Variants in PPP3R1 observed in about 807,000 individuals in gnomAD.
PPP3R1 encodes protein phosphatase 3 regulatory subunit B, alpha.
In PPP3R1, 5 loss-of-function variants were observed where a neutral mutation model predicts 22.6. The ratio of observed to expected loss-of-function variants is 0.22; its 90% CI spans 0.12 to 0.46. PPP3R1 has a LOEUF of 0.46. PPP3R1 is among the 20% of genes least tolerant of loss of function. The pLI is 0.99. For missense variants in PPP3R1, 61 were observed against 203.2 expected, an observed-to-expected ratio of 0.30 and a Z score of 4.25; for synonymous variants, 56 against 65.2, an observed-to-expected ratio of 0.86 and a Z score of 0.68.
chr2:68,251,635 C>T (rs1323283325), intron 1 of PPP3R1, among the ~76,000 whole-genome samples: 1 of 137,112 alleles, frequency 7.3e-6, no homozygotes, highest in Non-Finnish European at 1.6e-5. Flanking sequence ...GTGGAAGCAG[C>T]AGCAGCTCTG....
chr2:68,220,319 A>G (rs926724061), intron 1 of PPP3R1, among the ~76,000 whole-genome samples: 21 of 152,232 alleles, frequency 1.4e-4, no homozygotes, highest in African/African-American at 5.1e-4. Flanking sequence ...GGAGATCTGC[A>G]TAAAAGTCTC....
At chr2:68,250,702 A>G (rs1390366792) in intron 1 of PPP3R1, among the ~76,000 whole-genome samples, 1 of 152,230 alleles carries the variant, frequency 6.6e-6, no homozygotes, top group Admixed American at 6.5e-5. Context: ...TGGCAAGGAA[A>G]AACTTTCTCT....
intron 2 of PPP3R1, 68 bp from the exon 3 acceptor site, chr2:68,188,758 T>G: frequency 7.2e-7 from 1 of 1,392,368 alleles, no homozygotes; most frequent in Non-Finnish European, 9.5e-7. Flanking sequence ...TAATGGGCAG[T>G]AGCAAGATTT....
At chr2:68,224,900 A>G (rs1444005490) in intron 1 of PPP3R1, among the ~76,000 whole-genome samples, 1 of 152,244 alleles carries the variant, frequency 6.6e-6, no homozygotes, top group Non-Finnish European at 1.5e-5. Context: ...TTTCACAACA[A>G]AAGATATGAT....
At chr2:68,184,450 T>C (rs1225375885) in intron 5 of PPP3R1, among the ~76,000 whole-genome samples, 2 of 152,196 alleles carry the variant, frequency 1.3e-5, no homozygotes, top group African/African-American at 4.8e-5. Flanking sequence ...TACATAACCC[T>C]TTCTAATTCA....
chr2:68,191,313 T>A (rs1674663185), intron 2 of PPP3R1, among the ~76,000 whole-genome samples: 1 of 152,238 alleles, frequency 6.6e-6, no homozygotes, highest in Non-Finnish European at 1.5e-5. Flanking sequence ...TACAGCATCT[T>A]ACTGTACTGA....
intron 2 of PPP3R1, among the ~76,000 whole-genome samples, chr2:68,198,260 T>C (rs1183343826): frequency 6.8e-6 from 1 of 146,676 alleles, no homozygotes; most frequent in Non-Finnish European, 1.5e-5. Context: ...TACATATGTA[T>C]ACATACATAT....
intron 1 of PPP3R1, among the ~76,000 whole-genome samples, chr2:68,232,249 GTGTGTGTGTGTGTGTGTATA>G (rs1558641503): frequency 8.6e-4 from 61 of 70,750 alleles, no homozygotes; most frequent in African/African-American, 3.5e-3. Flanking sequence ...GTGTGTGTGT[GTGTGTGTGTGTGTGTGTATA>G]TATATATACA....
In PPP3R1 at chr2:68,240,797, T is replaced by C. The variant is rs138623869; in HGVS notation, c.3+11328A>G. Among the ~76,000 whole-genome samples, 13 of 152,338 alleles carry C rather than the reference T, an allele frequency of 8.5e-5. No individual in the cohort carries two copies. In the East Asian group the frequency reaches 2.3e-3, roughly 27 times the overall value. On this transcript the variant is annotated intron_variant, in intron 1 of 5. Transcript: ENST00000234310. ...CAGATGAAGAATTCATGGAGTCTTT[T>C]AGGCTATGTTGAAGATTTCAGTCTT...
intron 2 of PPP3R1, among the ~76,000 whole-genome samples, chr2:68,193,067 G>C (rs1674699031): frequency 6.6e-6 from 1 of 152,088 alleles, no homozygotes; most frequent in Non-Finnish European, 1.5e-5. Flanking sequence ...AGAAGGAGTA[G>C]TTAAATTTTA....
intron 1 of PPP3R1, among the ~76,000 whole-genome samples, chr2:68,244,861 C>CAT (rs779735296): frequency 6.6e-5 from 10 of 152,116 alleles, no homozygotes; most frequent in Non-Finnish European, 1.2e-4. Context: ...TAACATCTAC[C>CAT]ATATACCAAG....
chr2:68,205,242 CTTT>C lies in PPP3R1; in HGVS notation c.43+11847_43+11849del, dbSNP rs397984912. On this transcript the variant is annotated intron_variant, in intron 2 of 5. Transcript: ENST00000234310. ...TTTCCTTGTAAGTAATCAGTATTATCTTTTTTTTTTTTTTTTTTTGAAACGGCG... is the reference window on the plus strand; with the variant it reads ...TTTCCTTGTAAGTAATCAGTATTATCTTTTTTTTTTTTTTTTGAAACGGCG... Among the ~76,000 whole-genome samples, 13 of 123,462 alleles carry C rather than the reference CTTT, an allele frequency of 1.1e-4. No individual in the cohort carries two copies. The South Asian group carries it at 1.5e-3, about 14-fold the overall frequency. The allele number at this position is 123,462 out of a possible 152,430, so 81.0% of individuals were successfully genotyped here. A position where few individuals can be genotyped will look rare whatever the true frequency, so the allele number is the denominator to read the frequency against.
At chr2:68,211,569 A>C (rs1309474405) in intron 2 of PPP3R1, among the ~76,000 whole-genome samples, 1 of 152,194 alleles carries the variant, frequency 6.6e-6, no homozygotes, top group East Asian at 1.9e-4. Flanking sequence ...ACAGCAATAA[A>C]GTTTTGCCAC....
At position 68,252,470 on chromosome 2, in the gene PPP3R1, C is replaced by T. The variant is rs905155177; in HGVS notation, c.-343G>A. On this transcript the variant is annotated 5_prime_UTR_variant, in exon 1 of 6. Coordinates refer to ENST00000234310, the MANE Select transcript of PPP3R1 (RefSeq NM_000945.4). ...GAAACTCGGGGGCTGCAGCCTCGCG[C>T]TCGCGCCGGAGCCGTGACGGACTCA... 1.0e-5 allele frequency: 10 copies of T among 988,558 alleles called. No homozygotes were observed. The highest frequency in any genetic ancestry group is 1.2e-5 in the Non-Finnish European group (10 of 832,698). The allele number at this position is 988,558 out of a possible 1,614,324, so 61.2% of individuals were successfully genotyped here.
intron 1 of PPP3R1, among the ~76,000 whole-genome samples, chr2:68,229,973 T>TACACACATACACACACACACACAC (rs1669859670): frequency 2.1e-5 from 3 of 143,142 alleles, no homozygotes; most frequent in Non-Finnish European, 4.6e-5. Flanking sequence ...TATACACACA[T>TACACACATACACACACACACACAC]ACACACACAC....
intron 2 of PPP3R1, among the ~76,000 whole-genome samples, chr2:68,211,824 A>G (rs575403109): frequency 4.9e-4 from 74 of 152,024 alleles, no homozygotes; most frequent in African/African-American, 1.7e-3. Context: ...ATAAAAAGCA[A>G]CTCCTTATCT....
chr2:68,249,310 T>C (rs532853615), intron 1 of PPP3R1, among the ~76,000 whole-genome samples: 5 of 151,892 alleles, frequency 3.3e-5, no homozygotes, highest in East Asian at 3.9e-4. Flanking sequence ...TTTTTTTTTT[T>C]CTAAAAAGTG....
intron 1 of PPP3R1, among the ~76,000 whole-genome samples, chr2:68,244,674 C>A (rs1279986648): frequency 6.6e-6 from 1 of 152,056 alleles, no homozygotes; most frequent in East Asian, 1.9e-4. Flanking sequence ...CAAGAATATC[C>A]CCATCTTTCT....
At chr2:68,188,217 A>G (rs930423756) in intron 3 of PPP3R1, among the ~76,000 whole-genome samples, 1 of 152,162 alleles carries the variant, frequency 6.6e-6, no homozygotes. Context: ...TCTAATGTAT[A>G]TAAGAATATA....
Sources: gnomAD v4.1 joint callset for allele counts (sites outside exome capture counted in the v4.1 genomes callset) on GRCh38, gnomAD v4.1.1 for gene constraint, MANE v1.5 for transcripts, NCBI Gene and HGNC (gene_info 2026-07-23, HGNC 2026-07-21) for gene names.